VPS33A: variants seen among roughly 807,000 people sequenced by gnomAD.
VPS33A encodes VPS33A core subunit of CORVET and HOPS complexes, also known as vacuolar protein sorting-associated protein 33A.
Under a neutral mutation model 71.8 loss-of-function variants are expected in VPS33A, and 32 were observed. That is an observed-to-expected ratio of 0.45 (90% CI 0.34 to 0.60). The LOEUF (loss-of-function observed/expected upper bound fraction) is 0.60, where lower values mean the gene tolerates loss of function less well. Among genes scored for constraint, VPS33A ranks in the 20% least tolerant of loss-of-function variants. VPS33A has a pLI of 0.02. For missense variants in VPS33A, 625 were observed against 748.5 expected, an observed-to-expected ratio of 0.84 and a Z score of 1.92; for synonymous variants, 311 against 292.7, an observed-to-expected ratio of 1.06 and a Z score of -0.64.
In VPS33A at chr12:122,249,891, T is replaced by C; in HGVS notation, c.755A>G (p.Glu252Gly). The C allele has an allele frequency of 6.2e-7, 1 of 1,613,634 alleles. No individual in the cohort carries two copies. The highest frequency in any genetic ancestry group is 8.5e-7 in the Non-Finnish European group (1 of 1,179,900). The change falls in exon 6 of 13, where the codon GAA (glutamate) becomes GGA (glycine). Residue 252 changes from glutamate to glycine, a missense_variant. Coordinates refer to ENST00000267199, the MANE Select transcript of VPS33A (RefSeq NM_022916.6). ...CTTACTGTTCTGAATGCCATAAATT[T>C]CATCAATGAGTCCTTCATATGTCAG... ...TQLTYEGLIDEIYGIQNSYVK... is the reference protein window; with the variant it reads ...TQLTYEGLIDGIYGIQNSYVK...
intron 3 of VPS33A, among the ~76,000 whole-genome samples, chr12:122,262,760 G>C (rs572489355): frequency 1.8e-4 from 28 of 152,156 alleles, no homozygotes; most frequent in African/African-American, 5.8e-4. Context: ...TATCTTGAAA[G>C]AATGGGTAGA....
At chr12:122,232,736 G>A in intron 12 of VPS33A, 64 bp downstream of exon 12, 3 of 1,547,648 alleles carry the variant, frequency 1.9e-6, no homozygotes, top group Middle Eastern at 1.7e-4. Flanking sequence ...CAAAGCAACT[G>A]TACAATACCT....
Position 122,243,515 on chromosome 12 carries a change from A to G in VPS33A, c.970-1007T>C, listed in dbSNP as rs566318359. On this transcript the variant is annotated intron_variant, in intron 7 of 12. Transcript: ENST00000267199. ...CAGCCTCCGACAGTGCCGGGATGAC[A>G]GGCGTGAGCCACTGTGCCTGGCCTG... Among the ~76,000 whole-genome samples, 20 of 152,376 alleles carry G rather than the reference A, an allele frequency of 1.3e-4. No individual in the cohort carries two copies. In the East Asian group the frequency reaches 3.9e-3, roughly 29 times the overall value.
rs902724954 is a variant in VPS33A at position 122,231,129 on chromosome 12, C to T, written c.*1117G>A. The T allele has an allele frequency of 7.9e-5, 12 of 152,316 alleles. No homozygotes were observed. The highest frequency in any genetic ancestry group is 2.0e-4 in the Admixed American group (3 of 15,292). 9.4% of individuals were successfully genotyped at this position (152,316 alleles called of 1,614,324 possible). A position where few individuals can be genotyped will look rare whatever the true frequency, so the allele number is the denominator to read the frequency against. The stretch of plus-strand genomic sequence containing the variant: ...GGCCCTTGATGGACAGAAGAGAAAA[C>T]GGAAACCTCAATGGAGGCACCCACC... On this transcript the variant is annotated 3_prime_UTR_variant, in exon 13 of 13. Transcript: ENST00000267199.
chr12:122,242,284 C>T, intron 8 of VPS33A, 98 bp downstream of exon 8: 2 of 1,444,584 alleles, frequency 1.4e-6, no homozygotes. Flanking sequence ...ACAGAGCTGA[C>T]TCTCCCGAAG....
intron 8 of VPS33A, 104 bp downstream of exon 8, chr12:122,242,278 A>G: frequency 7.2e-7 from 1 of 1,391,036 alleles, no homozygotes; most frequent in Non-Finnish European, 1.0e-6. Context: ...ATTAAGACAG[A>G]GCTGACTCTC....
rs185038470 is a variant in VPS33A at position 122,234,726 on chromosome 12, G to A, written c.1440+1060C>T. 3.4e-4 allele frequency among the ~76,000 whole-genome samples: 51 copies of A among 148,582 alleles called. No homozygotes were observed. In the East Asian group the frequency reaches 7.2e-3, roughly 21 times the overall value. On this transcript the variant is annotated intron_variant, in intron 11 of 12. Transcript: ENST00000267199. ...AACACACTCCAATGCCTTCTCTTTG[G>A]GTCTGACCAAGACAAAGCACCAGAG...
At chr12:122,251,138 G>A (rs1459992209) in intron 4 of VPS33A, 39 bp from the exon 5 acceptor site, 5 of 1,429,478 alleles carry the variant, frequency 3.5e-6, no homozygotes, top group East Asian at 2.3e-5. Context: ...GGCCATGGGG[G>A]CCTCCCAGGG....
At chr12:122,234,320 C>T (rs1190706654) in intron 11 of VPS33A, among the ~76,000 whole-genome samples, 3 of 152,120 alleles carry the variant, frequency 2.0e-5, no homozygotes, top group African/African-American at 7.2e-5. Flanking sequence ...TTCTGTCGCC[C>T]ATGCTGGAGT....
rs532015701 is a variant in VPS33A at position 122,255,495 on chromosome 12, G to C, written c.484-4396C>G. ...CCGAGATGAGCAGATCATGAGGTCAGGAGTTCGAGACCAGCCTGGCCAACA... is the reference window on the plus strand; with the variant it reads ...CCGAGATGAGCAGATCATGAGGTCACGAGTTCGAGACCAGCCTGGCCAACA... On this transcript the variant is annotated intron_variant, in intron 4 of 12. Coordinates refer to ENST00000267199, the MANE Select transcript of VPS33A (RefSeq NM_022916.6). Among the ~76,000 whole-genome samples, 304 of 152,236 alleles carry C rather than the reference G, an allele frequency of 2.0e-3. 4 individuals are homozygous for C. The highest frequency in any genetic ancestry group is 7.1e-3 in the African/African-American group (294 of 41,556).
intron 5 of VPS33A, 104 bp from the exon 6 acceptor site, chr12:122,250,149 A>T: frequency 8.0e-7 from 1 of 1,250,968 alleles, no homozygotes; most frequent in African/African-American, 1.5e-5. Flanking sequence ...AAAGGAGAAA[A>T]ACTGGAAGAG....
chr12:122,251,022 T>A lies in VPS33A; in HGVS notation c.561A>T (p.Gly187=). 6.2e-7 allele frequency: 1 copy of A among 1,614,092 alleles called. No homozygotes were observed. The highest frequency in any genetic ancestry group is 1.1e-5 in the South Asian group (1 of 91,066). ...CTTTCCCAAAGATCTGGGGGATCGTTCCATACAGAGCTTGCAGGGTCATCA... is the reference window on the plus strand; with the variant it reads ...CTTTCCCAAAGATCTGGGGGATCGTACCATACAGAGCTTGCAGGGTCATCA... ...KGLMTLQALY[G]TIPQIFGKGE... The change falls in exon 5 of 13, where the codon GGA becomes GGT. Residue 187 remains glycine (G), a synonymous_variant. Transcript: ENST00000267199.
intron 1 of VPS33A, 84 bp downstream of exon 1, chr12:122,266,223 C>T (rs1037252621): frequency 3.9e-6 from 6 of 1,549,090 alleles, no homozygotes; most frequent in Non-Finnish European, 5.2e-6. Context: ...CCTCATAAAC[C>T]GCGAACTCAG....
rs1276303013 is a variant in VPS33A, at chr12:122,250,850, AG to A, written c.600+132del. The A allele has an allele frequency of 7.2e-6, 5 of 692,916 alleles. No individual in the cohort carries two copies. In the Admixed American group the frequency reaches 1.2e-4, roughly 17 times the overall value. The allele number at this position is 692,916 out of a possible 1,614,324, so 42.9% of individuals were successfully genotyped here. A position where few individuals can be genotyped will look rare whatever the true frequency, so the allele number is the denominator to read the frequency against. On this transcript the variant is annotated intron_variant, in intron 5 of 12. Transcript: ENST00000267199. Reference sequence around the variant, plus strand: ...GGGTTATAAGTGCATTTTAATCAGTAGGCAAATTCATGAGTACAGTATTCAT... The same window carrying A: ...GGGTTATAAGTGCATTTTAATCAGTAGCAAATTCATGAGTACAGTATTCAT...
rs1318519084 is a variant in VPS33A at position 122,229,954 on chromosome 12, G to A, written c.*2292C>T. 1 of 152,140 alleles carries A rather than the reference G, an allele frequency of 6.6e-6. No individual in the cohort carries two copies. Among genetic ancestry groups the A allele is most frequent in the African/African-American group, 2.4e-5 (1 of 41,414 alleles). 9.4% of individuals were successfully genotyped at this position (152,140 alleles called of 1,614,324 possible). A position where few individuals can be genotyped will look rare whatever the true frequency, so the allele number is the denominator to read the frequency against. ...TTCCCAGGACAGAATCCCCAGCCAG[G>A]GAGACTTGACCAGACTTGAATTGAG... is the stretch of plus-strand genomic sequence containing the variant. On this transcript the variant is annotated 3_prime_UTR_variant, in exon 13 of 13. Coordinates refer to ENST00000267199, the MANE Select transcript of VPS33A (RefSeq NM_022916.6).
intron 4 of VPS33A, among the ~76,000 whole-genome samples, chr12:122,251,928 A>G (rs1954850184): frequency 6.6e-6 from 1 of 151,742 alleles, no homozygotes; most frequent in Non-Finnish European, 1.5e-5. Context: ...TATAAAAAAA[A>G]AAAAAAGAAA....
At chr12:122,256,758 A>G (rs1038621976) in intron 4 of VPS33A, among the ~76,000 whole-genome samples, 1 of 152,140 alleles carries the variant, frequency 6.6e-6, no homozygotes, top group African/African-American at 2.4e-5. Flanking sequence ...GCAGCCTACA[A>G]AGGGCGCATG....
intron 6 of VPS33A, among the ~76,000 whole-genome samples, chr12:122,245,205 AG>A (rs1056354866): frequency 6.6e-6 from 1 of 152,238 alleles, no homozygotes; most frequent in African/African-American, 2.4e-5. Flanking sequence ...AGCACAGAGT[AG>A]AAAATACAAA....
chr12:122,263,768 A>G, intron 2 of VPS33A, 69 bp from the exon 3 acceptor site: 1 of 1,481,852 alleles, frequency 6.7e-7, no homozygotes. Context: ...AGACTCAGAA[A>G]TCATAAATAC....
Sources: allele counts gnomAD v4.1 joint callset (sites outside exome capture counted in the v4.1 genomes callset), GRCh38; gene constraint gnomAD v4.1.1; transcripts MANE v1.5; gene names NCBI Gene and HGNC (gene_info 2026-07-23, HGNC 2026-07-21).